CKS1B: variants seen among roughly 807,000 people sequenced by gnomAD.
The protein encoded by CKS1B is CDC28 protein kinase regulatory subunit 1B, also known as cyclin-dependent kinases regulatory subunit 1.
In CKS1B, 5 loss-of-function variants were observed where a neutral mutation model predicts 12.2. That is an observed-to-expected ratio of 0.41 (90% confidence interval 0.21 to 0.86). CKS1B has a LOEUF of 0.86. Among genes scored for constraint, CKS1B ranks in the 40% least tolerant of loss-of-function variants. CKS1B has a pLI of 0.32. For synonymous variants in CKS1B, 24 were observed against 34.4 expected, an observed-to-expected ratio of 0.70 and a Z score of 1.06; for missense variants, 53 against 99.9, an observed-to-expected ratio of 0.53 and a Z score of 2.00.
In CKS1B at chr1:154,978,744, C is replaced by G; in HGVS notation, c.207C>G (p.Phe69Leu). 2.5e-6 allele frequency: 4 copies of G among 1,613,686 alleles called. No homozygotes were observed. Among genetic ancestry groups the G allele is most frequent in the Non-Finnish European group, 2.5e-6 (3 of 1,179,724 alleles). The change falls in exon 3 of 3, where the codon TTC becomes TTG. Residue 69 changes from phenylalanine to leucine, a missense_variant. Phe to Leu is a conservative substitution (Grantham distance 22, BLOSUM62 0). Coordinates refer to ENST00000308987, the MANE Select transcript of CKS1B (RefSeq NM_001826.3). The part of the protein sequence containing the change: ...IHEPEPHILL[F>L]RRPLPKKPKK The stretch of plus-strand genomic sequence containing the variant: ...TTTCAGAACCTCACATCTTGCTGTT[C>G]CGGCGCCCACTACCCAAGAAACCAA...
Position 154,978,779 on chromosome 1 carries a change from G to A in CKS1B, c.*2G>A, listed in dbSNP as rs765119783. The A allele has an allele frequency of 2.5e-6, 4 of 1,590,960 alleles. No homozygotes were observed. The highest frequency in any genetic ancestry group is 1.7e-6 in the Non-Finnish European group (2 of 1,159,612). On this transcript the variant is annotated 3_prime_UTR_variant, in exon 3 of 3. Coordinates refer to ENST00000308987, the MANE Select transcript of CKS1B (RefSeq NM_001826.3). ...CTACCCAAGAAACCAAAGAAATGAA[G>A]CTGGCAAGCTACTTTTCAGCCTCAA...
In CKS1B at chr1:154,978,873, C is replaced by G. The variant is rs997878447; in HGVS notation, c.*96C>G. 1.3e-5 allele frequency: 10 copies of G among 780,904 alleles called. No individual in the cohort carries two copies. The highest frequency in any genetic ancestry group is 3.5e-5 in the African/African-American group (2 of 57,714). 48.4% of individuals were successfully genotyped at this position (780,904 alleles called of 1,614,324 possible). On this transcript the variant is annotated 3_prime_UTR_variant, in exon 3 of 3. Coordinates refer to ENST00000308987, the MANE Select transcript of CKS1B (RefSeq NM_001826.3). ...ATTATTATGTTGCCTTCTTGTTTCT[C>G]ACTTTGATATTTAAAAGATGTTCAA...
intron 1 of CKS1B, 138 bp from the exon 2 acceptor site, chr1:154,977,849 A>T (rs1045459142): frequency 2.6e-6 from 2 of 779,724 alleles, no homozygotes; most frequent in African/African-American, 3.6e-5. Context: ...AGCTGCTGCT[A>T]CCCCACAATA....
intron 1 of CKS1B, chr1:154,975,636 AAGTC>A (rs760209165): frequency 1.3e-5 from 2 of 154,896 alleles, no homozygotes; most frequent in African/African-American, 2.4e-5. Context: ...TGGGGCTAGA[AAGTC>A]AGTCCCCTAC....
intron 1 of CKS1B, chr1:154,975,634 G>C (rs1288022185): frequency 6.5e-6 from 1 of 155,014 alleles, no homozygotes; most frequent in African/African-American, 2.4e-5. Flanking sequence ...GGTGGGGCTA[G>C]AAAGTCAGTC....
intron 1 of CKS1B, chr1:154,975,172 C>A: frequency 1.7e-6 from 1 of 587,138 alleles, no homozygotes; most frequent in South Asian, 2.1e-5. Context: ...GAGAACGTAG[C>A]AAAAGCGGAG....
At chr1:154,976,681 C>T (rs1032135058) in intron 1 of CKS1B, among the ~76,000 whole-genome samples, 4 of 152,216 alleles carry the variant, frequency 2.6e-5, no homozygotes, top group Non-Finnish European at 5.9e-5. Context: ...AGATGAAACT[C>T]TTGGCAGTGG....
intron 1 of CKS1B, chr1:154,975,221 T>A: frequency 1.8e-6 from 1 of 560,754 alleles, no homozygotes; most frequent in Admixed American, 3.2e-5. Flanking sequence ...AGAGTAGCGC[T>A]GAGAGAGTTG....
At chr1:154,976,115 T>A (rs12084193) in intron 1 of CKS1B, among the ~76,000 whole-genome samples, 14,130 of 151,970 alleles carry the variant, frequency 0.093, 2,185 homozygotes, top group African/African-American at 0.32. Context: ...GAAGAGGGAA[T>A]GTTGGGGAAA....
intron 1 of CKS1B, chr1:154,975,020 A>AT (rs1491587266): frequency 1.6e-6 from 2 of 1,243,592 alleles, no homozygotes; most frequent in Non-Finnish European, 2.4e-6. Context: ...GCCTCTCAGT[A>AT]GAGAGGAGAG....
At chr1:154,975,080 T>G (rs544135424) in intron 1 of CKS1B, 1 of 731,004 alleles carries the variant, frequency 1.4e-6, no homozygotes, top group Non-Finnish European at 2.4e-6. Flanking sequence ...TGAGGCTTTC[T>G]GGATCATTCT....
rs6910 is a variant in CKS1B, at chr1:154,978,937, G to A, written c.*160G>A. 2,016 of 613,578 alleles carry A rather than the reference G, an allele frequency of 3.3e-3. 28 individuals are homozygous for A. The African/African-American group carries it at 0.034, about 10-fold the overall frequency. The allele number at this position is 613,578 out of a possible 1,614,324, so 38.0% of individuals were successfully genotyped here. On this transcript the variant is annotated 3_prime_UTR_variant, in exon 3 of 3. Coordinates refer to ENST00000308987, the MANE Select transcript of CKS1B (RefSeq NM_001826.3). ...TGTGCTGGTAACTGCTTTGCTTCTT[G>A]AGTAGAGCCACCACCACCATAGCCC...
At chr1:154,978,228 C>A (rs1657237863) in intron 2 of CKS1B, 114 bp downstream of exon 2, 2 of 1,127,504 alleles carry the variant, frequency 1.8e-6, no homozygotes, top group Non-Finnish European at 2.4e-6. Flanking sequence ...TTCCTTCCCC[C>A]TCCAGTCGTG....
At chr1:154,977,867 A>G (rs1657228476) in intron 1 of CKS1B, 120 bp from the exon 2 acceptor site, 1 of 970,628 alleles carries the variant, frequency 1.0e-6, no homozygotes, top group Non-Finnish European at 1.5e-6. Context: ...ATAAAATTAT[A>G]TAAACTCTGA....
chr1:154,976,650 A>T (rs146416525), intron 1 of CKS1B, among the ~76,000 whole-genome samples: 1 of 152,370 alleles, frequency 6.6e-6, no homozygotes, highest in Admixed American at 6.5e-5. Flanking sequence ...CTGGGAAGGA[A>T]TCACCATTTC....
chr1:154,978,077 G>C lies in CKS1B; in HGVS notation c.150G>C (p.Gln50His). The C allele has an allele frequency of 6.2e-7, 1 of 1,614,156 alleles. No homozygotes were observed. ...AATGGAGGAATCTTGGCGTTCAGCA[G>C]AGTCAGGGATGGGTCCATTATATGA... ...ESEWRNLGVQ[Q>H]SQGWVHYMIH... Residue 50 changes from glutamine to histidine, a missense_variant, in exon 2 of 3, where the codon CAG becomes CAC. Transcript: ENST00000308987.
rs530685873 is a variant in CKS1B at position 154,978,073 on chromosome 1, A to G, written c.146A>G (p.Gln49Arg). The stretch of plus-strand genomic sequence containing the variant: ...TCTGAATGGAGGAATCTTGGCGTTC[A>G]GCAGAGTCAGGGATGGGTCCATTAT... ...SESEWRNLGV[Q>R]QSQGWVHYMI... is the part of the protein sequence containing the mutation. Residue 49 changes from glutamine to arginine, a missense_variant, in exon 2 of 3, where the codon CAG (glutamine) becomes CGG (arginine). Physicochemically the swap from Gln to Arg is conservative, Grantham distance 43. Coordinates refer to ENST00000308987, the MANE Select transcript of CKS1B (RefSeq NM_001826.3). 6.2e-7 allele frequency: 1 copy of G among 1,614,212 alleles called. No homozygotes were observed. Among genetic ancestry groups the G allele is most frequent in the East Asian group, 2.2e-5 (1 of 44,888 alleles).
chr1:154,976,559 C>T (rs1657191379), intron 1 of CKS1B, among the ~76,000 whole-genome samples: 1 of 152,202 alleles, frequency 6.6e-6, no homozygotes, highest in Admixed American at 6.5e-5. Flanking sequence ...CTTTAATTAA[C>T]TTTCTTTTCC....
chr1:154,975,035 G>GT, intron 1 of CKS1B: 1 of 1,157,866 alleles, frequency 8.6e-7, no homozygotes, highest in Non-Finnish European at 1.3e-6. Context: ...GGAGAGAGGG[G>GT]TGGGCGTGGT....
Sources: gnomAD v4.1 joint callset for allele counts (sites outside exome capture counted in the v4.1 genomes callset) on GRCh38, gnomAD v4.1.1 for gene constraint, MANE v1.5 for transcripts, NCBI Gene and HGNC (gene_info 2026-07-23, HGNC 2026-07-21) for gene names.